Variants in PUDP observed in about 807,000 individuals in gnomAD.
The protein encoded by PUDP is pseudouridine 5'-phosphatase, also known as pseudouridine-5'-phosphatase.
A neutral mutation model predicts 9.4 loss-of-function variants in PUDP; 8 were observed. The ratio of observed to expected loss-of-function variants is 0.85; its 90% confidence interval spans 0.50 to 1.53. The LOEUF is 1.53. PUDP is among the 40% of genes most tolerant of loss of function. The probability of loss-of-function intolerance (pLI) is 0.00; values close to 1 mark genes in which losing one functional copy is unlikely to be tolerated. For missense variants in PUDP, 188 were observed against 189.7 expected (o/e 0.99, Z 0.05); for synonymous variants, 99 against 80.7 (o/e 1.23, Z -1.22).
intron 1 of PUDP, among the ~76,000 whole-genome samples, chrX:7,018,997 T>C (rs192704594): frequency 1.1e-4 from 12 of 112,214 alleles, no homozygotes; most frequent in African/African-American, 3.6e-4. Context: ...AATATAGTAA[T>C]TAAGAAAATT....
intron 3 of PUDP, among the ~76,000 whole-genome samples, chrX:7,072,311 G>C (rs1205550100): frequency 1.8e-5 from 2 of 111,973 alleles, no homozygotes; most frequent in Non-Finnish European, 3.8e-5. Flanking sequence ...TACAAAAAAA[G>C]ACAGATACCG....
At chrX:6,739,929 A>G (rs1301881333) in intron 3 of PUDP, among the ~76,000 whole-genome samples, 2 of 111,234 alleles carry the variant, frequency 1.8e-5, no homozygotes, top group African/African-American at 6.7e-5. Context: ...CTTCTCATTT[A>G]TTTATTAGCC....
chrX:7,110,249 G>A (rs1932005216), intron 1 of PUDP, among the ~76,000 whole-genome samples: 2 of 112,594 alleles, frequency 1.8e-5, no homozygotes, highest in Non-Finnish European at 3.8e-5. Context: ...TGGCCTCTAA[G>A]TTTCTGTCTA....
At chrX:6,791,824 A>G (rs1424757072) in intron 3 of PUDP, among the ~76,000 whole-genome samples, 2 of 112,531 alleles carry the variant, frequency 1.8e-5, no homozygotes, top group African/African-American at 6.5e-5. Context: ...CAGCAATGAG[A>G]AACTAACACA....
At chrX:7,081,881 C>G (rs1047664085) in intron 2 of PUDP, among the ~76,000 whole-genome samples, 3 of 112,812 alleles carry the variant, frequency 2.7e-5, no homozygotes, top group African/African-American at 6.4e-5. Flanking sequence ...AGATATAGCT[C>G]CAGTGTATCA....
At chrX:7,136,829 T>C (rs984890282) in intron 1 of PUDP, among the ~76,000 whole-genome samples, 10 of 109,277 alleles carry the variant, frequency 9.2e-5, no homozygotes, top group Admixed American at 2.9e-4. Context: ...CTGGGCATGA[T>C]GTTTCCAAAT....
At chrX:6,996,492 G>C (rs1021703063) in intron 1 of PUDP, among the ~76,000 whole-genome samples, 6 of 108,007 alleles carry the variant, frequency 5.6e-5, no homozygotes, top group Non-Finnish European at 1.1e-4. Context: ...GAATGGCTGT[G>C]GTCTTTTCAC....
At chrX:6,919,226 C>A (rs1262607379) in intron 3 of PUDP, among the ~76,000 whole-genome samples, 2 of 111,899 alleles carry the variant, frequency 1.8e-5, no homozygotes, top group Non-Finnish European at 3.8e-5. Context: ...TTTCTTTTTT[C>A]AAATGCAAAT....
chrX:6,907,167 A>C (rs1474229626), intron 3 of PUDP, among the ~76,000 whole-genome samples: 1 of 110,753 alleles, frequency 9.0e-6, no homozygotes, highest in Non-Finnish European at 1.9e-5. Flanking sequence ...CATAACAGTG[A>C]GTGAGTTCTC....
intron 3 of PUDP, among the ~76,000 whole-genome samples, chrX:6,880,436 C>A (rs1283869678): frequency 8.9e-6 from 1 of 112,079 alleles, no homozygotes; most frequent in Non-Finnish European, 1.9e-5. Flanking sequence ...ATTGTCCTAT[C>A]ATTGAAAATA....
chrX:6,817,305 T>G (rs1397505406), intron 3 of PUDP, among the ~76,000 whole-genome samples: 1 of 110,606 alleles, frequency 9.0e-6, no homozygotes. Context: ...ACTCCTGGCC[T>G]CAAGTGATCC....
intron 1 of PUDP, among the ~76,000 whole-genome samples, chrX:6,715,505 C>A (rs1211341382): frequency 1.8e-5 from 2 of 112,161 alleles, no homozygotes; most frequent in East Asian, 5.6e-4. Flanking sequence ...ATGATACATG[C>A]CGGTATATTA....
In PUDP at chrX:6,994,837, C is replaced by T. The variant is rs190297974; in HGVS notation, c.205-16494G>A. Among the ~76,000 whole-genome samples the T allele has an allele frequency of 5.1e-4, 57 of 111,504 alleles. 1 individual carries two copies. The highest frequency in any genetic ancestry group is 9.4e-4 in the Non-Finnish European group (50 of 53,143). ...TTGAGGCAGAGAAACTCCTTCCTAACTGTGAGCTATGTCATGTCATAACAG... is the reference window on the plus strand; with the variant it reads ...TTGAGGCAGAGAAACTCCTTCCTAATTGTGAGCTATGTCATGTCATAACAG... On this transcript the variant is annotated intron_variant and NMD_transcript_variant, in intron 1 of 3. Transcript: ENST00000655425.
At chrX:6,812,349 C>G (rs929854830) in intron 3 of PUDP, among the ~76,000 whole-genome samples, 17 of 111,742 alleles carry the variant, frequency 1.5e-4, no homozygotes, top group Non-Finnish European at 1.9e-5. Flanking sequence ...CCCTTCAAAT[C>G]TTAAGTGACT....
chrX:6,888,587 T>C (rs1927465218), intron 3 of PUDP, among the ~76,000 whole-genome samples: 1 of 110,308 alleles, frequency 9.1e-6, no homozygotes, highest in Non-Finnish European at 1.9e-5. Context: ...AAGGTGGAGG[T>C]TGCAGTGAGC....
chrX:7,052,592 A>T (rs1186671214), intron 3 of PUDP, among the ~76,000 whole-genome samples: 3 of 111,094 alleles, frequency 2.7e-5, no homozygotes, highest in African/African-American at 9.8e-5. Context: ...CCATTACCCC[A>T]TTCTTTCCTT....
intron 3 of PUDP, among the ~76,000 whole-genome samples, chrX:6,806,375 G>A (rs886980429): frequency 2.7e-5 from 3 of 112,011 alleles, no homozygotes; most frequent in African/African-American, 9.7e-5. Flanking sequence ...CACCTAGGCT[G>A]GAGTGCAGTG....
intron 1 of PUDP, among the ~76,000 whole-genome samples, chrX:7,041,863 CTCTCTTT>C (rs750705804): frequency 0.028 from 1,342 of 47,393 alleles, 22 homozygotes; most frequent in African/African-American, 0.16. Context: ...GTCTCTCTCT[CTCTCTTT>C]TTTTTTTTTT....
At chrX:6,752,243 T>C (rs977705795) in intron 3 of PUDP, among the ~76,000 whole-genome samples, 6 of 111,805 alleles carry the variant, frequency 5.4e-5, no homozygotes, top group African/African-American at 1.9e-4. Flanking sequence ...TTGGTCTTGA[T>C]CCATTTAATC....
Sources: gnomAD v4.1 joint callset for allele counts (sites outside exome capture counted in the v4.1 genomes callset) on GRCh38, gnomAD v4.1.1 for gene constraint, MANE v1.5 for transcripts, NCBI Gene and HGNC (gene_info 2026-07-23, HGNC 2026-07-21) for gene names.